COL28A1: variants seen among roughly 807,000 people sequenced by gnomAD.
The protein encoded by COL28A1 is collagen alpha-1(XXVIII) chain.
A neutral mutation model predicts 150.2 loss-of-function variants in COL28A1; 161 were observed. The ratio of observed to expected loss-of-function variants is 1.07; its 90% CI spans 0.94 to 1.22. The LOEUF is 1.22. Ranked by LOEUF, COL28A1 falls within the 50% of genes most tolerant of loss-of-function variation. COL28A1 has a pLI of 0.00. For missense variants in COL28A1, 1,617 were observed against 1,388.3 expected (o/e 1.16, Z -2.62); for synonymous variants, 552 against 469.7 (o/e 1.18, Z -2.26).
At chr7:7,382,064 C>T (rs1342457463) in intron 27 of COL28A1, among the ~76,000 whole-genome samples, 1 of 152,192 alleles carries the variant, frequency 6.6e-6, no homozygotes, top group Non-Finnish European at 1.5e-5. Flanking sequence ...AATCCCAGCA[C>T]TTTGGGAGGC....
At chr7:7,473,383 A>G (rs1473897718) in intron 15 of COL28A1, among the ~76,000 whole-genome samples, 2 of 152,188 alleles carry the variant, frequency 1.3e-5, no homozygotes, top group African/African-American at 2.4e-5. Flanking sequence ...GGCTAAGGAC[A>G]TGAATACACA....
At position 7,373,238 on chromosome 7, in the gene COL28A1, C is replaced by G. The variant is rs1429104914; in HGVS notation, c.2668G>C (p.Asp890His). 6.2e-7 allele frequency: 1 copy of G among 1,614,046 alleles called. No individual in the cohort carries two copies. The highest frequency in any genetic ancestry group is 1.7e-5 in the Admixed American group (1 of 59,990). The change falls in exon 32 of 35, where the codon GAT (aspartate) becomes CAT (histidine). Residue 890 changes from aspartate to histidine, a missense_variant. By Grantham distance (81) the Asp-to-His change is moderately conservative. Transcript: ENST00000399429. The surrounding 1 kb of genome is among the most constrained non-coding windows in gnomAD (Gnocchi z 4.1). Reference sequence around the variant, plus strand: ...ACTTTTTTTACACCTGGCCTTGCATCTTCAAACATGTCGTTGGCTGCTTGC... The same window carrying G: ...ACTTTTTTTACACCTGGCCTTGCATGTTCAAACATGTCGTTGGCTGCTTGC... ...ALQAANDMFE[D>H]ARPGVKKVAL...
chr7:7,357,096 C>G (rs1335115871), downstream of COL28A1: 1 of 152,242 alleles, frequency 6.6e-6, no homozygotes, highest in South Asian at 2.1e-4. Context: ...GTCACCCAGG[C>G]TGGAGTGCAG....
Position 7,531,739 on chromosome 7 carries a change from T to G in COL28A1, c.290A>C (p.Gln97Pro). ...ATCAATTTGGACAGAGCTGCTAAAC[T>G]GAAGGGCTGCCAGTTTGATGTCATA... ...LEYDIKLAAL[Q>P]FSSSVQIDPP... The change falls in exon 3 of 35, where the codon CAG becomes CCG. Residue 97 changes from glutamine to proline, a missense_variant. Transcript: ENST00000399429. 1 of 1,610,138 alleles carries G rather than the reference T, an allele frequency of 6.2e-7. No individual in the cohort carries two copies. The highest frequency in any genetic ancestry group is 1.3e-5 in the African/African-American group (1 of 74,934).
chr7:7,523,701 T>A (rs1483257588), intron 4 of COL28A1, among the ~76,000 whole-genome samples: 1 of 152,206 alleles, frequency 6.6e-6, no homozygotes, highest in Non-Finnish European at 1.5e-5. Context: ...TCTATTGTGC[T>A]AAGGCTCGTC....
intron 11 of COL28A1, among the ~76,000 whole-genome samples, chr7:7,503,118 G>T (rs191014041): frequency 1.3e-5 from 2 of 152,230 alleles, no homozygotes; most frequent in Admixed American, 1.3e-4. Context: ...AAAAAGAAAT[G>T]CATTTATTTC....
intron 11 of COL28A1, among the ~76,000 whole-genome samples, chr7:7,503,412 A>C (rs1227832920): frequency 2.6e-5 from 4 of 152,250 alleles, no homozygotes; most frequent in African/African-American, 9.6e-5. Context: ...TACAAGTTTC[A>C]AAATAAATAA....
intron 11 of COL28A1, among the ~76,000 whole-genome samples, chr7:7,494,064 A>G (rs981456143): frequency 1.3e-5 from 2 of 152,154 alleles, no homozygotes; most frequent in African/African-American, 4.8e-5. Context: ...TGTGAGTGTG[A>G]GCGTGTGTGG....
chr7:7,395,514 G>A (rs1782785498), intron 27 of COL28A1, among the ~76,000 whole-genome samples: 1 of 152,176 alleles, frequency 6.6e-6, no homozygotes, highest in Admixed American at 6.5e-5. Flanking sequence ...TCAAACAGAA[G>A]CTTGGGTTTC....
intron 34 of COL28A1, among the ~76,000 whole-genome samples, chr7:7,360,172 A>T (rs905709167): frequency 6.6e-6 from 1 of 152,162 alleles, no homozygotes; most frequent in Non-Finnish European, 1.5e-5. Context: ...TCATAGACCA[A>T]ATTTACTCCA....
Position 7,486,430 on chromosome 7 carries a change from T to A in COL28A1, c.1164+2959A>T, listed in dbSNP as rs566072776. Among the ~76,000 whole-genome samples, 7 of 152,348 alleles carry A rather than the reference T, an allele frequency of 4.6e-5. No homozygotes were observed. In the South Asian group the frequency reaches 1.4e-3, roughly 32 times the overall value. ...ATTGTTTTTATACCAATGCCTTATA[T>A]TTCTTTTTCTTGTCTTATCGTGCTG... is the stretch of plus-strand genomic sequence containing the variant. On this transcript the variant is annotated intron_variant, in intron 13 of 34. Transcript: ENST00000399429.
At chr7:7,532,723 T>G (rs1782437517) in intron 2 of COL28A1, 29 bp downstream of exon 2, 5 of 1,587,016 alleles carry the variant, frequency 3.2e-6, no homozygotes, top group Non-Finnish European at 4.3e-6. Context: ...CAGGCTAAAC[T>G]TAAAAACAAA....
rs142367629 is a variant in COL28A1, at chr7:7,409,244, A to C, written c.2136+8615T>G. 3.8e-3 allele frequency among the ~76,000 whole-genome samples: 581 copies of C among 152,292 alleles called. 3 individuals carry two copies. The highest frequency in any genetic ancestry group is 0.013 in the African/African-American group (553 of 41,576). On this transcript the variant is annotated intron_variant, in intron 27 of 34. Coordinates refer to ENST00000399429, the MANE Select transcript of COL28A1 (RefSeq NM_001037763.3). Reference sequence around the variant, plus strand: ...GGAAAAGGATAAAATGCCTTTTATAAATTTTCAACAATGAAATTCATGCGC... The same window carrying C: ...GGAAAAGGATAAAATGCCTTTTATACATTTTCAACAATGAAATTCATGCGC...
the COL28A1 span, among the ~76,000 whole-genome samples, chr7:7,346,945 A>G: frequency 6.6e-6 from 1 of 152,152 alleles, no homozygotes; most frequent in African/African-American, 2.4e-5. Context: ...TATAGGGTCA[A>G]GTTTCAAAGC....
chr7:7,373,546 C>G lies in COL28A1; in HGVS notation c.2360G>C (p.Gly787Ala). 6.2e-7 allele frequency: 1 copy of G among 1,604,662 alleles called. No individual in the cohort carries two copies. The highest frequency in any genetic ancestry group is 1.1e-5 in the South Asian group (1 of 90,672). Residue 787 changes from glycine to alanine, a missense_variant and splice_region_variant, in exon 32 of 35, where the codon GGT becomes GCT. Physicochemically the swap from Gly to Ala is moderately conservative, Grantham distance 60. Coordinates refer to ENST00000399429, the MANE Select transcript of COL28A1 (RefSeq NM_001037763.3). This position sits in a 1 kb window ranked among gnomAD's most constrained non-coding sequence, Gnocchi z 4.1. The stretch of plus-strand genomic sequence containing the variant: ...AGTCTCTTTGCATTTGGGCCCACAA[C>G]CTAAAAGATGAATGTTGAGAGAGAA... Reference protein sequence around the residue: ...EIIKLITEICGCGPKCKETPL... With the variant: ...EIIKLITEICACGPKCKETPL...
intron 4 of COL28A1, among the ~76,000 whole-genome samples, chr7:7,522,805 G>GAAAAAAA (rs1781799421): frequency 1.5e-4 from 2 of 13,116 alleles, no homozygotes; most frequent in African/African-American, 4.9e-4. Context: ...TAGCTGAAGA[G>GAAAAAAA]CAAAAAAAAA....
intron 27 of COL28A1, among the ~76,000 whole-genome samples, chr7:7,391,226 C>T (rs149230977): frequency 0.03 from 4,588 of 152,166 alleles, 244 homozygotes; most frequent in African/African-American, 0.1. Context: ...GCCTTAATTT[C>T]GTTATTTACC....
At chr7:7,498,795 A>G (rs187175807) in intron 11 of COL28A1, among the ~76,000 whole-genome samples, 39 of 152,246 alleles carry the variant, frequency 2.6e-4, no homozygotes, top group African/African-American at 8.9e-4. Flanking sequence ...GTTCCATTTT[A>G]GTGCCCCCTT....
intron 10 of COL28A1, among the ~76,000 whole-genome samples, chr7:7,506,534 T>A (rs1053743948): frequency 6.6e-6 from 1 of 152,212 alleles, no homozygotes; most frequent in Admixed American, 6.5e-5. Flanking sequence ...GGTAAAATTA[T>A]AATTTTCTGT....
Sources: gnomAD v4.1 joint callset for allele counts (sites outside exome capture counted in the v4.1 genomes callset) on GRCh38, gnomAD v4.1.1 for gene constraint, Gnocchi (gnomAD v3.1) non-coding constraint, MANE v1.5 for transcripts, NCBI Gene and HGNC (gene_info 2026-07-23, HGNC 2026-07-21) for gene names.